Variants in FOSL2 observed in about 807,000 individuals in gnomAD.
The protein encoded by FOSL2 is FOS like 2, AP-1 transcription factor subunit.
In FOSL2, 3 loss-of-function variants were observed where a neutral mutation model predicts 27.7. That is an observed-to-expected ratio of 0.11 (90% CI 0.05 to 0.28). The LOEUF (loss-of-function observed/expected upper bound fraction) is 0.28, where lower values mean the gene tolerates loss of function less well. Among genes scored for constraint, FOSL2 ranks in the 10% least tolerant of loss-of-function variants. The pLI is 1.00. For synonymous variants in FOSL2, 179 were observed against 190.1 expected (o/e 0.94, Z 0.48); for missense variants, 333 against 445.1 (o/e 0.75, Z 2.27).
rs1186787227 is a variant in FOSL2, at chr2:28,404,425, G to C, written c.354+67G>C. The C allele has an allele frequency of 2.3e-5, 36 of 1,545,594 alleles. No homozygotes were observed. The highest frequency in any genetic ancestry group is 3.1e-5 in the Non-Finnish European group (35 of 1,142,408). ...TCAGAGCCCCAGAAACACAGAACGG[G>C]TTTCTGCAGACTGGGAGGGTTAATG... On this transcript the variant is annotated intron_variant, in intron 2 of 3. Transcript: ENST00000264716. The surrounding 1 kb of genome is among the most constrained non-coding windows in gnomAD (Gnocchi z 4.7).
intron 3 of FOSL2, among the ~76,000 whole-genome samples, chr2:28,411,619 C>T (rs2148099280): frequency 6.6e-6 from 1 of 152,272 alleles, no homozygotes; most frequent in Admixed American, 6.5e-5. Flanking sequence ...CATCTGCTTC[C>T]AAAAAACTCC....
At chr2:28,396,157 T>C (rs1282194123) in intron 1 of FOSL2, among the ~76,000 whole-genome samples, 3 of 152,190 alleles carry the variant, frequency 2.0e-5, no homozygotes, top group African/African-American at 7.2e-5. Context: ...TTTATTTTTT[T>C]CAGCTCTCTC....
Position 28,415,913 on chromosome 2 carries a change from ACTTCTC to A in FOSL2, c.*3471_*3476del, listed in dbSNP as rs1462037921. 3 of 152,238 alleles carry A rather than the reference ACTTCTC, an allele frequency of 2.0e-5. No homozygotes were observed. Among genetic ancestry groups the A allele is most frequent in the Non-Finnish European group, 4.4e-5 (3 of 68,026 alleles). 9.4% of individuals were successfully genotyped at this position (152,238 alleles called of 1,614,324 possible). ...CCCCTACAATATTCTCCCACTCCAT[ACTTCTC>A]CTTCTACCCCACCATGTGCTCCCGT... On this transcript the variant is annotated 3_prime_UTR_variant, in exon 4 of 4. Transcript: ENST00000264716.
intron 1 of FOSL2, among the ~76,000 whole-genome samples, chr2:28,402,313 C>T (rs533729212): frequency 6.6e-6 from 1 of 152,390 alleles, no homozygotes; most frequent in South Asian, 2.1e-4. Context: ...GGGCAGCTCT[C>T]TTCACTGAAG....
intron 1 of FOSL2, among the ~76,000 whole-genome samples, chr2:28,402,563 C>G (rs1444675562): frequency 5.9e-5 from 9 of 152,198 alleles, no homozygotes; most frequent in Non-Finnish European, 1.3e-4. Context: ...TCTGATTGGA[C>G]CAGCATAGGG....
rs1456667121 is a variant in FOSL2 at position 28,412,739 on chromosome 2, T to C, written c.*291T>C. ...TAGACTTGGACATCTCTCTGGCTTC[T>C]GAAGAGCCTGAAGCTGGCCTGGACC... is the stretch of plus-strand genomic sequence containing the variant. On this transcript the variant is annotated 3_prime_UTR_variant, in exon 4 of 4. Coordinates refer to ENST00000264716, the MANE Select transcript of FOSL2 (RefSeq NM_005253.4). This position sits in a 1 kb window ranked among gnomAD's most constrained non-coding sequence, Gnocchi z 7.1. The C allele has an allele frequency of 4.7e-6, 2 of 425,248 alleles. No individual in the cohort carries two copies. Among genetic ancestry groups the C allele is most frequent in the Non-Finnish European group, 4.3e-6 (1 of 231,310 alleles). 26.3% of individuals were successfully genotyped at this position (425,248 alleles called of 1,614,324 possible). A position where few individuals can be genotyped will look rare whatever the true frequency, so the allele number is the denominator to read the frequency against.
At position 28,412,642 on chromosome 2, in the gene FOSL2, A is replaced by G. The variant is rs1246668662; in HGVS notation, c.*194A>G. ...GACTTGGGTTGATCTCTTAGAAGCC[A>G]TGGGACCTCCTCCCTCATTCATCTT... is the stretch of plus-strand genomic sequence containing the variant. On this transcript the variant is annotated 3_prime_UTR_variant, in exon 4 of 4. Transcript: ENST00000264716. The surrounding 1 kb of genome is among the most constrained non-coding windows in gnomAD (Gnocchi z 7.1). The G allele has an allele frequency of 3.5e-6, 2 of 572,434 alleles. No individual in the cohort carries two copies. Among genetic ancestry groups the G allele is most frequent in the Non-Finnish European group, 6.1e-6 (2 of 326,596 alleles). The allele number at this position is 572,434 out of a possible 1,614,324, so 35.5% of individuals were successfully genotyped here. A position where few individuals can be genotyped will look rare whatever the true frequency, so the allele number is the denominator to read the frequency against.
chr2:28,400,488 G>A (rs192591425), intron 1 of FOSL2, among the ~76,000 whole-genome samples: 1 of 152,182 alleles, frequency 6.6e-6, no homozygotes, highest in East Asian at 1.9e-4. Context: ...AGACCCATCT[G>A]CCAGATCTAA....
chr2:28,397,075 A>C lies in FOSL2; in HGVS notation c.102+3253A>C, dbSNP rs574230341. ...GCTTTTTCTTTTTAATGAGGGACAA[A>C]TAAATGCCACATATTTAACCGTGGT... On this transcript the variant is annotated intron_variant, in intron 1 of 3. Coordinates refer to ENST00000264716, the MANE Select transcript of FOSL2 (RefSeq NM_005253.4). 6.6e-5 allele frequency: 10 copies of C among 152,274 alleles called. 1 individual carries two copies. The South Asian group carries it at 2.1e-3, about 32-fold the overall frequency. The allele number at this position is 152,274 out of a possible 1,614,324, so 9.4% of individuals were successfully genotyped here.
At chr2:28,398,351 C>T (rs1336248139) in intron 1 of FOSL2, among the ~76,000 whole-genome samples, 2 of 152,350 alleles carry the variant, frequency 1.3e-5, no homozygotes, top group South Asian at 2.1e-4. Flanking sequence ...CCTGGCCCAC[C>T]TGGTCTCTCG....
chr2:28,397,572 A>G (rs1393950838), intron 1 of FOSL2, among the ~76,000 whole-genome samples: 3 of 152,206 alleles, frequency 2.0e-5, no homozygotes, highest in African/African-American at 7.2e-5. Context: ...GAATTTTCCT[A>G]TCCAAAACGC....
intron 1 of FOSL2, among the ~76,000 whole-genome samples, chr2:28,397,474 G>A (rs1165130431): frequency 6.6e-6 from 1 of 152,052 alleles, no homozygotes; most frequent in Non-Finnish European, 1.5e-5. Flanking sequence ...TGTCTGTTCC[G>A]CTGATTCTTG....
chr2:28,412,633 T>G lies in FOSL2; in HGVS notation c.*185T>G. On this transcript the variant is annotated 3_prime_UTR_variant, in exon 4 of 4. Transcript: ENST00000264716. This position sits in a 1 kb window ranked among gnomAD's most constrained non-coding sequence, Gnocchi z 7.1. ...GTATTGGAAGACTTGGGTTGATCTCTTAGAAGCCATGGGACCTCCTCCCTC... is the reference window on the plus strand; with the variant it reads ...GTATTGGAAGACTTGGGTTGATCTCGTAGAAGCCATGGGACCTCCTCCCTC... 1 of 598,920 alleles carries G rather than the reference T, an allele frequency of 1.7e-6. No homozygotes were observed. The highest frequency in any genetic ancestry group is 2.9e-6 in the Non-Finnish European group (1 of 347,270). The allele number at this position is 598,920 out of a possible 1,614,324, so 37.1% of individuals were successfully genotyped here. A position where few individuals can be genotyped will look rare whatever the true frequency, so the allele number is the denominator to read the frequency against.
At position 28,408,690 on chromosome 2, in the gene FOSL2, T is replaced by TA. The variant is rs1664131876; in HGVS notation, c.355-68dup. ...GAAGGGCTTCTTGCCTTACTTAAAATACAGTTTTTAAAAAATACTGTGAAC... is the reference window on the plus strand; with the variant it reads ...GAAGGGCTTCTTGCCTTACTTAAAATAACAGTTTTTAAAAAATACTGTGAAC... On this transcript the variant is annotated intron_variant, in intron 2 of 3. Coordinates refer to ENST00000264716, the MANE Select transcript of FOSL2 (RefSeq NM_005253.4). This position sits in a 1 kb window ranked among gnomAD's most constrained non-coding sequence, Gnocchi z 4.1. 8.6e-7 allele frequency: 1 copy of TA among 1,169,218 alleles called. No individual in the cohort carries two copies. Among genetic ancestry groups the TA allele is most frequent in the East Asian group, 2.8e-5 (1 of 36,362 alleles). 72.4% of individuals were successfully genotyped at this position (1,169,218 alleles called of 1,614,324 possible).
intron 1 of FOSL2, among the ~76,000 whole-genome samples, chr2:28,400,659 A>C (rs1028071621): frequency 1.3e-5 from 2 of 152,168 alleles, no homozygotes; most frequent in Admixed American, 6.5e-5. Context: ...CAAGGTGTAC[A>C]TGCGTTTCAG....
In FOSL2 at chr2:28,393,582, G is replaced by T. The variant is rs1282185623; in HGVS notation, c.-139G>T. On this transcript the variant is annotated 5_prime_UTR_variant, in exon 1 of 4. Coordinates refer to ENST00000264716, the MANE Select transcript of FOSL2 (RefSeq NM_005253.4). This position sits in a 1 kb window ranked among gnomAD's most constrained non-coding sequence, Gnocchi z 4.6. Reference sequence around the variant, plus strand: ...CCTCCCTGTCCTCGCCCTCCGCGGTGGGGGAGAAACCCAGGAGCGAAGCCC... The same window carrying T: ...CCTCCCTGTCCTCGCCCTCCGCGGTTGGGGAGAAACCCAGGAGCGAAGCCC... 5 of 618,436 alleles carry T rather than the reference G, an allele frequency of 8.1e-6. No individual in the cohort carries two copies. The highest frequency in any genetic ancestry group is 4.0e-5 in the African/African-American group (2 of 50,152). The allele number at this position is 618,436 out of a possible 1,614,324, so 38.3% of individuals were successfully genotyped here.
intron 1 of FOSL2, among the ~76,000 whole-genome samples, chr2:28,403,371 A>T (rs572076402): frequency 6.6e-6 from 1 of 152,242 alleles, no homozygotes; most frequent in African/African-American, 2.4e-5. Flanking sequence ...CCACAGAAAC[A>T]TCTGTGAACA....
rs1664121012 is a variant in FOSL2 at position 28,408,098 on chromosome 2, C to G, written c.355-661C>G. 6.6e-6 allele frequency among the ~76,000 whole-genome samples: 1 copy of G among 152,206 alleles called. No homozygotes were observed. Among genetic ancestry groups the G allele is most frequent in the Admixed American group, 6.5e-5 (1 of 15,282 alleles). On this transcript the variant is annotated intron_variant, in intron 2 of 3. Transcript: ENST00000264716. The surrounding 1 kb of genome is among the most constrained non-coding windows in gnomAD (Gnocchi z 4.1). ...TCTTCCTTTTGCATGTCCTGTCCAA[C>G]TTAGCACTGTACCAGGCATGTGGGG... is the stretch of plus-strand genomic sequence containing the variant.
At chr2:28,410,579 T>C in intron 3 of FOSL2, 5 of 976,224 alleles carry the variant, frequency 5.1e-6, no homozygotes, top group East Asian at 1.1e-4. Flanking sequence ...CTTGCCCGTA[T>C]GTCCTCACTG....
Sources: gnomAD v4.1 joint callset for allele counts (sites outside exome capture counted in the v4.1 genomes callset) on GRCh38, gnomAD v4.1.1 for gene constraint, Gnocchi (gnomAD v3.1) non-coding constraint, MANE v1.5 for transcripts, NCBI Gene and HGNC (gene_info 2026-07-23, HGNC 2026-07-21) for gene names.